SND1: variants seen among roughly 807,000 people sequenced by gnomAD.
SND1 encodes staphylococcal nuclease domain-containing protein 1.
Under a neutral mutation model 121.7 loss-of-function variants are expected in SND1, and 38 were observed. The observed-to-expected ratio is 0.31, with a 90% CI of 0.24 to 0.41. The LOEUF is 0.41. Ranked by LOEUF, SND1 falls within the 10% of genes least tolerant of loss-of-function variation. SND1 has a pLI of 1.00. For synonymous variants in SND1, 401 were observed against 447.4 expected, an observed-to-expected ratio of 0.90 and a Z score of 1.31; for missense variants, 868 against 1,184.6, an observed-to-expected ratio of 0.73 and a Z score of 3.92.
chr7:127,826,594 T>C (rs1798647025), intron 11 of SND1, among the ~76,000 whole-genome samples: 1 of 152,212 alleles, frequency 6.6e-6, no homozygotes. Context: ...TTTATCTCAT[T>C]GAAAAAGTCA....
intron 12 of SND1, among the ~76,000 whole-genome samples, chr7:127,886,307 TA>T (rs201061270): frequency 0.038 from 5,514 of 143,584 alleles, 131 homozygotes; most frequent in Admixed American, 0.072. Flanking sequence ...TTTTCTTCTT[TA>T]AAAAAAAAAA....
intron 1 of SND1, among the ~76,000 whole-genome samples, chr7:127,655,341 T>C (rs184039371): frequency 6.6e-6 from 1 of 152,216 alleles, no homozygotes; most frequent in Non-Finnish European, 1.5e-5. Flanking sequence ...TAAAACACTT[T>C]GACCAATTTT....
chr7:127,858,451 T>C lies in SND1; in HGVS notation c.1343+14027T>C, dbSNP rs1294947446. The C allele has an allele frequency of 8.6e-6, 6 of 697,654 alleles. No homozygotes were observed. The Admixed American group carries it at 1.1e-4, about 13-fold the overall frequency. The allele number at this position is 697,654 out of a possible 1,614,324, so 43.2% of individuals were successfully genotyped here. A position where few individuals can be genotyped will look rare whatever the true frequency, so the allele number is the denominator to read the frequency against. On this transcript the variant is annotated intron_variant, in intron 12 of 23. Coordinates refer to ENST00000354725, the MANE Select transcript of SND1 (RefSeq NM_014390.4). ...GGGTCTGGCCCAAGCTGTCCTCCTC[T>C]TCCAAGTCTGAGGCCTGGCGTGGGG...
chr7:127,658,958 CAG>C, intron 1 of SND1, among the ~76,000 whole-genome samples: 1 of 152,362 alleles, frequency 6.6e-6, no homozygotes, highest in East Asian at 1.9e-4. Flanking sequence ...GTGGTTCTAA[CAG>C]GGGCATAGTA....
At position 128,029,937 on chromosome 7, in the gene SND1, G is replaced by A. The variant is rs1281989544; in HGVS notation, c.1779+38881G>A. The A allele has an allele frequency of 1.2e-6, 2 of 1,613,072 alleles. No individual in the cohort carries two copies. Among genetic ancestry groups the A allele is most frequent in the Non-Finnish European group, 1.7e-6 (2 of 1,180,034 alleles). On this transcript the variant is annotated intron_variant, in intron 16 of 23. Coordinates refer to ENST00000354725, the MANE Select transcript of SND1 (RefSeq NM_014390.4). This position sits in a 1 kb window ranked among gnomAD's most constrained non-coding sequence, Gnocchi z 4.2. ...GGAGCTCAGGCCATGGAAGGAGCCA[G>A]GCCTGATCTCAGGGAAGTGGTTCCC... is the stretch of plus-strand genomic sequence containing the variant.
chr7:127,798,177 C>T (rs1798060406), intron 10 of SND1, among the ~76,000 whole-genome samples: 1 of 152,168 alleles, frequency 6.6e-6, no homozygotes, highest in South Asian at 2.1e-4. Context: ...CATGAGGCCG[C>T]CTAAATTTGC....
chr7:127,995,648 T>G (rs1308235915), intron 16 of SND1, among the ~76,000 whole-genome samples: 1 of 152,214 alleles, frequency 6.6e-6, no homozygotes, highest in Non-Finnish European at 1.5e-5. Flanking sequence ...TTGTTCTGAA[T>G]AAAACAGTGA....
chr7:127,918,541 T>C (rs1305240881), intron 14 of SND1, among the ~76,000 whole-genome samples: 1 of 152,218 alleles, frequency 6.6e-6, no homozygotes, highest in African/African-American at 2.4e-5. Flanking sequence ...TTTCTTTTTC[T>C]TTTAAGTATT....
At chr7:127,997,694 A>G (rs762552465) in intron 16 of SND1, 1 of 529,780 alleles carries the variant, frequency 1.9e-6, no homozygotes, top group Admixed American at 1.9e-5. Flanking sequence ...CTCCAACTTT[A>G]TGTCTCACCA....
intron 1 of SND1, among the ~76,000 whole-genome samples, chr7:127,659,250 T>A (rs1795267759): frequency 6.6e-6 from 1 of 152,216 alleles, no homozygotes. Flanking sequence ...TCGATATAGA[T>A]GGAATGTTAC....
chr7:127,763,932 A>T (rs1479075685), intron 10 of SND1, among the ~76,000 whole-genome samples: 5 of 149,758 alleles, frequency 3.3e-5, no homozygotes, highest in Non-Finnish European at 5.9e-5. Context: ...GCTGGATGTG[A>T]TGGTGCATGC....
intron 15 of SND1, among the ~76,000 whole-genome samples, chr7:127,950,022 T>C (rs1321393572): frequency 6.6e-6 from 1 of 152,204 alleles, no homozygotes; most frequent in Non-Finnish European, 1.5e-5. Flanking sequence ...GTAGAAGCTG[T>C]AAAGAGACTG....
intron 16 of SND1, among the ~76,000 whole-genome samples, chr7:128,066,509 C>T (rs1055296053): frequency 2.6e-5 from 4 of 152,174 alleles, no homozygotes; most frequent in East Asian, 1.9e-4. Flanking sequence ...ATGGAAAATC[C>T]GTGCTGCTGC....
At chr7:127,787,378 CTG>C (rs1257481779) in intron 10 of SND1, among the ~76,000 whole-genome samples, 2 of 152,110 alleles carry the variant, frequency 1.3e-5, no homozygotes, top group Non-Finnish European at 1.5e-5. Context: ...GGTTCTACAG[CTG>C]TGTACTACCA....
chr7:127,831,929 A>G (rs1379021622), intron 11 of SND1, among the ~76,000 whole-genome samples: 1 of 152,186 alleles, frequency 6.6e-6, no homozygotes, highest in Non-Finnish European at 1.5e-5. Flanking sequence ...AAGCCCTTCT[A>G]CAGTGCCAAG....
intron 15 of SND1, among the ~76,000 whole-genome samples, chr7:127,973,299 G>A (rs1015447554): frequency 6.6e-6 from 1 of 152,212 alleles, no homozygotes; most frequent in Non-Finnish European, 1.5e-5. Flanking sequence ...CAGAAATGGA[G>A]ATTAAAACTT....
At chr7:127,655,779 G>A (rs184273734) in intron 1 of SND1, among the ~76,000 whole-genome samples, 38 of 152,276 alleles carry the variant, frequency 2.5e-4, no homozygotes, top group African/African-American at 9.1e-4. Flanking sequence ...TTAGCTTTGA[G>A]ATGGCTATTT....
rs62481456 is a variant in SND1 at position 128,001,654 on chromosome 7, G to A, written c.1779+10598G>A. Among the ~76,000 whole-genome samples the A allele has an allele frequency of 3.7e-3, 564 of 152,246 alleles. 8 individuals are homozygous for A. The highest frequency in any genetic ancestry group is 3.5e-3 in the Non-Finnish European group (238 of 68,012). ...ATTATTAATAGAAATTCTCTCAGCC[G>A]GGCACAGTGGCTCACGCCTGTAATC... On this transcript the variant is annotated intron_variant, in intron 16 of 23. Transcript: ENST00000354725.
chr7:128,048,082 G>A (rs901251791), intron 16 of SND1, among the ~76,000 whole-genome samples: 5 of 151,894 alleles, frequency 3.3e-5, no homozygotes, highest in Non-Finnish European at 5.9e-5. Context: ...TCCTGACCTC[G>A]TGATCCACCC....
Sources: gnomAD v4.1 joint callset for allele counts (sites outside exome capture counted in the v4.1 genomes callset) on GRCh38, gnomAD v4.1.1 for gene constraint, Gnocchi (gnomAD v3.1) non-coding constraint, MANE v1.5 for transcripts, NCBI Gene and HGNC (gene_info 2026-07-23, HGNC 2026-07-21) for gene names.